Variants in FGF14 observed in about 807,000 individuals in gnomAD.
The protein encoded by FGF14 is fibroblast growth factor homologous factor 4.
FGF14 carries 5 observed loss-of-function variants against 25.5 expected under a neutral mutation model. That is an observed-to-expected ratio of 0.20 (90% CI 0.10 to 0.41). The LOEUF (loss-of-function observed/expected upper bound fraction) is 0.41. Among genes scored for constraint, FGF14 ranks in the 10% least tolerant of loss-of-function variants. FGF14 has a pLI of 1.00. For missense variants in FGF14, 222 were observed against 320.1 expected, an observed-to-expected ratio of 0.69 and a Z score of 2.34; for synonymous variants, 138 against 118.3, an observed-to-expected ratio of 1.17 and a Z score of -1.08.
intron 1 of FGF14, among the ~76,000 whole-genome samples, chr13:102,067,214 TATTTC>T (rs1244873215): frequency 6.6e-6 from 1 of 152,192 alleles, no homozygotes; most frequent in African/African-American, 2.4e-5. Context: ...AATTGTCAAT[TATTTC>T]ATTTTATAAC....
In FGF14 at chr13:101,722,983, A is replaced by C; in HGVS notation, c.608-16T>G. On this transcript the variant is annotated splice_polypyrimidine_tract_variant and intron_variant, in intron 4 of 4. Transcript: ENST00000376143. ...TACATGGCAACTAGTGATGGGAAGA[A>C]AGGAGGAGGAAAAGCAAACATTGCT... The C allele has an allele frequency of 6.2e-7, 1 of 1,613,044 alleles. No individual in the cohort carries two copies. The highest frequency in any genetic ancestry group is 8.5e-7 in the Non-Finnish European group (1 of 1,179,310).
chr13:102,267,172 G>C (rs1376780905), intron 1 of FGF14, among the ~76,000 whole-genome samples: 1 of 151,998 alleles, frequency 6.6e-6, no homozygotes, highest in Non-Finnish European at 1.5e-5. Flanking sequence ...TATACTTTAA[G>C]TTATTCACAA....
intron 1 of FGF14, among the ~76,000 whole-genome samples, chr13:102,188,958 AAG>A (rs2048984653): frequency 1.8e-5 from 1 of 56,816 alleles, no homozygotes; most frequent in Non-Finnish European, 3.3e-5. Context: ...GAAAGAAAGA[AAG>A]AAAGAAAGAA....
At chr13:102,057,760 GATAA>G (rs1010394567) in intron 1 of FGF14, among the ~76,000 whole-genome samples, 3 of 152,268 alleles carry the variant, frequency 2.0e-5, no homozygotes, top group African/African-American at 4.8e-5. Context: ...TAAAGGAATA[GATAA>G]ATAAATGATA....
intron 1 of FGF14, among the ~76,000 whole-genome samples, chr13:102,302,043 C>A (rs961755163): frequency 6.6e-6 from 1 of 152,130 alleles, no homozygotes; most frequent in Admixed American, 6.6e-5. Flanking sequence ...GGGCCTCCTC[C>A]TCCACCTGTA....
At chr13:102,125,036 C>T in intron 1 of FGF14, among the ~76,000 whole-genome samples, 1 of 152,110 alleles carries the variant, frequency 6.6e-6, no homozygotes, top group Non-Finnish European at 1.5e-5. Context: ...AGTAGAATAA[C>T]CATATGGTTT....
chr13:102,391,324 A>G (rs2058427473), intron 1 of FGF14, among the ~76,000 whole-genome samples: 1 of 152,250 alleles, frequency 6.6e-6, no homozygotes. Flanking sequence ...ATATCAGACC[A>G]CATACTAACT....
At chr13:102,159,914 T>A (rs979730191) in intron 1 of FGF14, among the ~76,000 whole-genome samples, 3 of 152,164 alleles carry the variant, frequency 2.0e-5, no homozygotes, top group African/African-American at 7.2e-5. Flanking sequence ...TGAAAAATAG[T>A]TTTATTTTTT....
intron 1 of FGF14, among the ~76,000 whole-genome samples, chr13:102,005,086 T>G (rs999403070): frequency 6.6e-6 from 1 of 152,222 alleles, no homozygotes; most frequent in Non-Finnish European, 1.5e-5. Flanking sequence ...ATTAGGAATG[T>G]CAGGCAATGG....
chr13:101,815,158 T>C (rs1443995007), intron 3 of FGF14, among the ~76,000 whole-genome samples: 1 of 152,060 alleles, frequency 6.6e-6, no homozygotes, highest in Non-Finnish European at 1.5e-5. Context: ...TCTGAGCTGG[T>C]GGAAAGAAAG....
chr13:102,037,403 T>C (rs1205199155), intron 1 of FGF14, among the ~76,000 whole-genome samples: 1 of 152,134 alleles, frequency 6.6e-6, no homozygotes, highest in Non-Finnish European at 1.5e-5. Context: ...CTCTCTCCTC[T>C]ATTTTCAAAG....
intron 1 of FGF14, among the ~76,000 whole-genome samples, chr13:102,319,354 C>G (rs903373234): frequency 1.3e-5 from 2 of 152,148 alleles, no homozygotes; most frequent in African/African-American, 4.8e-5. Context: ...GGAACACACC[C>G]CCTGCTCTGC....
At chr13:102,081,930 C>T (rs1032197568) in intron 1 of FGF14, among the ~76,000 whole-genome samples, 1 of 152,056 alleles carries the variant, frequency 6.6e-6, no homozygotes, top group Admixed American at 6.6e-5. Context: ...CATACCAATA[C>T]AGCAATATTT....
chr13:102,374,278 A>T (rs2057969520), intron 1 of FGF14, among the ~76,000 whole-genome samples: 1 of 152,100 alleles, frequency 6.6e-6, no homozygotes, highest in Non-Finnish European at 1.5e-5. Flanking sequence ...TAAACAATTT[A>T]ATCAATTCAA....
intron 3 of FGF14, among the ~76,000 whole-genome samples, chr13:101,851,610 G>A (rs528305387): frequency 1.4e-4 from 22 of 152,148 alleles, no homozygotes; most frequent in African/African-American, 4.8e-4. Flanking sequence ...ATTCAAAAGC[G>A]AGGGACTTCA....
At chr13:102,091,819 C>T (rs942393925) in intron 1 of FGF14, among the ~76,000 whole-genome samples, 1 of 152,130 alleles carries the variant, frequency 6.6e-6, no homozygotes, top group Non-Finnish European at 1.5e-5. Context: ...AAGTTACCAG[C>T]TGACAACTTT....
intron 3 of FGF14, among the ~76,000 whole-genome samples, chr13:101,777,529 G>T (rs2039202768): frequency 1.3e-5 from 2 of 152,206 alleles, no homozygotes; most frequent in African/African-American, 2.4e-5. Flanking sequence ...TCCTTCCATT[G>T]TGTCTCTAAC....
intron 3 of FGF14, among the ~76,000 whole-genome samples, chr13:101,737,068 G>A (rs1204442531): frequency 7.2e-6 from 1 of 137,958 alleles, no homozygotes; most frequent in Admixed American, 8.0e-5. Flanking sequence ...TATAAGCATT[G>A]GGTTGGGAGT....
intron 1 of FGF14, among the ~76,000 whole-genome samples, chr13:101,899,605 A>G (rs1433813722): frequency 6.6e-6 from 1 of 152,074 alleles, no homozygotes; most frequent in Non-Finnish European, 1.5e-5. Context: ...GAGTAAAAAC[A>G]TGTGGGACAT....
Sources: gnomAD v4.1 joint callset for allele counts (sites outside exome capture counted in the v4.1 genomes callset) on GRCh38, gnomAD v4.1.1 for gene constraint, MANE v1.5 for transcripts, NCBI Gene and HGNC (gene_info 2026-07-23, HGNC 2026-07-21) for gene names.